The following MAGI3 variants were observed in gnomAD, a reference collection of about 807,000 sequenced individuals.
MAGI3 encodes the protein membrane-associated guanylate kinase, WW and PDZ domain-containing protein 3.
In MAGI3, 43 loss-of-function variants were observed where a neutral mutation model predicts 121.8. That is an observed-to-expected ratio of 0.35 (90% CI 0.28 to 0.46). MAGI3 has a LOEUF of 0.46. Among genes scored for constraint, MAGI3 ranks in the 20% least tolerant of loss-of-function variants. The probability of loss-of-function intolerance (pLI) is 1.00; values close to 1 mark genes in which losing one functional copy is unlikely to be tolerated. For synonymous variants in MAGI3, 553 were observed against 639.3 expected, an observed-to-expected ratio of 0.86 and a Z score of 2.04; for missense variants, 1,547 against 1,797.3, an observed-to-expected ratio of 0.86 and a Z score of 2.52.
intron 1 of MAGI3, among the ~76,000 whole-genome samples, chr1:113,393,200 T>C (rs111709499): frequency 1.5e-4 from 23 of 152,320 alleles, no homozygotes; most frequent in African/African-American, 5.1e-4. Flanking sequence ...ATTAACTGTG[T>C]TGAATAAACA....
At chr1:113,528,377 T>G (rs1253051941) in intron 1 of MAGI3, among the ~76,000 whole-genome samples, 1 of 151,908 alleles carries the variant, frequency 6.6e-6, no homozygotes. Context: ...TGCTTCTTCA[T>G]GGTATCATTT....
At chr1:113,559,606 C>T (rs528206277) in intron 2 of MAGI3, among the ~76,000 whole-genome samples, 30 of 151,014 alleles carry the variant, frequency 2.0e-4, no homozygotes, top group African/African-American at 6.1e-4. Flanking sequence ...CTCACTCTGT[C>T]GCCCAGGCTG....
intron 4 of MAGI3, among the ~76,000 whole-genome samples, chr1:113,586,570 T>C (rs1290092594): frequency 6.6e-6 from 1 of 152,202 alleles, no homozygotes; most frequent in Admixed American, 6.5e-5. Context: ...TATTTAAATG[T>C]AAATACTAAA....
At position 113,433,197 on chromosome 1, in the gene MAGI3, A is replaced by T. The variant is rs529048486; in HGVS notation, c.316+41848A>T. Among the ~76,000 whole-genome samples the T allele has an allele frequency of 2.0e-5, 3 of 152,254 alleles. No homozygotes were observed. In the South Asian group the frequency reaches 6.2e-4, roughly 32 times the overall value. ...AAGAACCTGTGGGAGATGGAACATG[A>T]GGCTGACAGTTGGCATTATGTTGAG... On this transcript the variant is annotated intron_variant, in intron 1 of 20. Transcript: ENST00000307546.
intron 1 of MAGI3, among the ~76,000 whole-genome samples, chr1:113,419,767 C>G (rs1031314156): frequency 6.6e-6 from 1 of 152,112 alleles, no homozygotes; most frequent in African/African-American, 2.4e-5. Context: ...GATTTATTAT[C>G]TTACAGTTCT....
Position 113,391,373 on chromosome 1 carries a change from C to G in MAGI3, c.316+24C>G. 6.4e-7 allele frequency: 1 copy of G among 1,570,342 alleles called. No homozygotes were observed. The highest frequency in any genetic ancestry group is 8.6e-7 in the Non-Finnish European group (1 of 1,158,858). On this transcript the variant is annotated intron_variant, in intron 1 of 20. Transcript: ENST00000307546. This position sits in a 1 kb window ranked among gnomAD's most constrained non-coding sequence, Gnocchi z 4.4. ...AGGTACGCCGGCCCTGCGTATCTGT[C>G]TCGGGGTGTTGGGGAGAGGGGCTTC... is the stretch of plus-strand genomic sequence containing the variant.
At chr1:113,394,542 C>A (rs1650991492) in intron 1 of MAGI3, among the ~76,000 whole-genome samples, 1 of 152,146 alleles carries the variant, frequency 6.6e-6, no homozygotes. Context: ...GATTTTACTA[C>A]AGAGTATATA....
chr1:113,673,340 G>A lies in MAGI3; in HGVS notation c.3064G>A (p.Val1022Ile). 1 of 1,611,542 alleles carries A rather than the reference G, an allele frequency of 6.2e-7. No homozygotes were observed. The highest frequency in any genetic ancestry group is 8.5e-7 in the Non-Finnish European group (1 of 1,179,544). Reference sequence around the variant, plus strand: ...TCTCTAGAACCTTGGTTGTTATCCAGTAGAGCTGGAGAGAGGCCCCCGGGG... The same window carrying A: ...TCTCTAGAACCTTGGTTGTTATCCAATAGAGCTGGAGAGAGGCCCCCGGGG... The part of the protein sequence containing the change: ...RHNQNLGCYP[V>I]ELERGPRGFG... The change falls in exon 19 of 21, where the codon GTA (valine) becomes ATA (isoleucine). Residue 1022 changes from valine to isoleucine, a missense_variant. Transcript: ENST00000307546.
intron 8 of MAGI3, among the ~76,000 whole-genome samples, chr1:113,621,832 G>A (rs1428583328): frequency 6.6e-6 from 1 of 151,842 alleles, no homozygotes. Flanking sequence ...ACACTGTCAA[G>A]TGAAAGAAAC....
chr1:113,478,400 A>G (rs528581735), intron 1 of MAGI3, among the ~76,000 whole-genome samples: 33 of 152,244 alleles, frequency 2.2e-4, no homozygotes, highest in African/African-American at 7.9e-4. Context: ...TTGGTGACCT[A>G]CAGATGGGGT....
At chr1:113,416,821 A>T (rs1336363176) in intron 1 of MAGI3, among the ~76,000 whole-genome samples, 2 of 151,892 alleles carry the variant, frequency 1.3e-5, no homozygotes, top group Non-Finnish European at 2.9e-5. Flanking sequence ...TTCAGAATGG[A>T]ATGCTTAGAG....
At chr1:113,457,471 A>C (rs1375192993) in intron 1 of MAGI3, among the ~76,000 whole-genome samples, 2 of 152,182 alleles carry the variant, frequency 1.3e-5, no homozygotes, top group African/African-American at 4.8e-5. Flanking sequence ...AGAAATACTG[A>C]ATTAAGTTGG....
chr1:113,606,829 G>A (rs937218952), intron 6 of MAGI3, among the ~76,000 whole-genome samples: 1 of 151,960 alleles, frequency 6.6e-6, no homozygotes, highest in African/African-American at 2.4e-5. Context: ...ACGTCCTGTT[G>A]CTTTTTCTTT....
At chr1:113,476,957 G>A (rs192049139) in intron 1 of MAGI3, among the ~76,000 whole-genome samples, 5 of 152,242 alleles carry the variant, frequency 3.3e-5, no homozygotes, top group Middle Eastern at 6.8e-3. Flanking sequence ...TTGTTGAATT[G>A]ATCCCTTTAC....
chr1:113,459,253 A>C (rs959670053), intron 1 of MAGI3, among the ~76,000 whole-genome samples: 2 of 152,230 alleles, frequency 1.3e-5, no homozygotes, highest in African/African-American at 4.8e-5. Context: ...TCAACTAATG[A>C]GAATGATCGA....
At chr1:113,395,352 T>G (rs905256109) in intron 1 of MAGI3, among the ~76,000 whole-genome samples, 6 of 151,730 alleles carry the variant, frequency 4.0e-5, no homozygotes, top group African/African-American at 1.4e-4. Context: ...TGATAAACCT[T>G]GAAGTTGAAA....
At chr1:113,449,794 A>C (rs1654387848) in intron 1 of MAGI3, 12 of 1,132,576 alleles carry the variant, frequency 1.1e-5, no homozygotes, top group South Asian at 1.2e-5. Flanking sequence ...TTAAGAGAAC[A>C]TTTTGAGAAA....
chr1:113,623,584 T>A (rs1321652147), intron 9 of MAGI3, among the ~76,000 whole-genome samples: 2 of 151,182 alleles, frequency 1.3e-5, no homozygotes, highest in African/African-American at 4.9e-5. Context: ...GTCTCCCGGG[T>A]TCACGCCATT....
chr1:113,466,013 C>T (rs1655266422), intron 1 of MAGI3, among the ~76,000 whole-genome samples: 3 of 152,020 alleles, frequency 2.0e-5, no homozygotes, highest in Admixed American at 1.3e-4. Flanking sequence ...ATTGCTTTGG[C>T]CAAGACTTCC....
Sources: gnomAD v4.1 joint callset for allele counts (sites outside exome capture counted in the v4.1 genomes callset) on GRCh38, gnomAD v4.1.1 for gene constraint, Gnocchi (gnomAD v3.1) non-coding constraint, MANE v1.5 for transcripts, NCBI Gene and HGNC (gene_info 2026-07-23, HGNC 2026-07-21) for gene names.